The following TBXAS1 variants were observed in gnomAD, a reference collection of about 807,000 sequenced individuals.
The protein encoded by TBXAS1 is thromboxane A synthase 1, also known as thromboxane-A synthase.
In TBXAS1, 48 loss-of-function variants were observed where a neutral mutation model predicts 60.7. The ratio of observed to expected loss-of-function variants is 0.79; its 90% CI spans 0.63 to 1.01. The LOEUF (loss-of-function observed/expected upper bound fraction) is 1.01. Among genes scored for constraint, TBXAS1 ranks in the 50% least tolerant of loss-of-function variants. The probability of loss-of-function intolerance (pLI) is 0.00; values close to 1 mark genes in which losing one functional copy is unlikely to be tolerated. For missense variants in TBXAS1, 685 were observed against 686.3 expected (o/e 1.00, Z 0.02); for synonymous variants, 287 against 269.7 (o/e 1.06, Z -0.63).
intron 3 of TBXAS1, among the ~76,000 whole-genome samples, chr7:139,784,410 A>C (rs1341229998): frequency 1.3e-5 from 2 of 152,182 alleles, no homozygotes. Context: ...AGTTCAAAGA[A>C]AAACCACCAA....
At chr7:139,959,792 T>C (rs41727) in intron 8 of TBXAS1, among the ~76,000 whole-genome samples, 134,510 of 152,092 alleles carry the variant, frequency 0.88, 59,581 homozygotes, top group Non-Finnish European at 0.9. Context: ...TATCACACCC[T>C]GAGGACCTTC....
chr7:139,883,340 T>C (rs1256406143), intron 3 of TBXAS1, among the ~76,000 whole-genome samples: 3 of 152,270 alleles, frequency 2.0e-5, no homozygotes, highest in African/African-American at 7.2e-5. Context: ...TTCCCAGTCT[T>C]GATCCAAAGA....
At chr7:140,014,576 T>TGA (rs201007370) in intron 10 of TBXAS1, among the ~76,000 whole-genome samples, 2,151 of 151,906 alleles carry the variant, frequency 0.014, 21 homozygotes, top group Non-Finnish European at 0.023. Context: ...TGTGTGTGTC[T>TGA]GAGAGAGAGA....
rs920274819 is a variant in TBXAS1 at position 139,900,321 on chromosome 7, G to A, written c.237-10904G>A. The stretch of plus-strand genomic sequence containing the variant: ...GGCCCAGAGAGTTTCAGAAATTTGC[G>A]CCTGGAACGGATTTCTGTGTGAGTG... On this transcript the variant is annotated intron_variant, in intron 3 of 12. Coordinates refer to ENST00000448866, the MANE Select transcript of TBXAS1 (RefSeq NM_001061.7). 9.2e-5 allele frequency among the ~76,000 whole-genome samples: 14 copies of A among 152,136 alleles called. No individual in the cohort carries two copies. The East Asian group carries it at 1.3e-3, about 15-fold the overall frequency.
intron 5 of TBXAS1, among the ~76,000 whole-genome samples, chr7:139,940,014 G>C (rs1808156483): frequency 6.6e-6 from 1 of 152,278 alleles, no homozygotes; most frequent in Non-Finnish European, 1.5e-5. Context: ...AATGGCACCA[G>C]TGGGTGCTCC....
At chr7:139,829,591 G>C (rs1480587457) in intron 1 of TBXAS1, 112 bp downstream of exon 1, 1 of 973,356 alleles carries the variant, frequency 1.0e-6, no homozygotes, top group African/African-American at 1.6e-5. Context: ...TTCTAATCTA[G>C]CGGGAGTGAG....
intron 4 of TBXAS1, among the ~76,000 whole-genome samples, chr7:139,788,598 C>T (rs1230813044): frequency 1.3e-5 from 2 of 152,188 alleles, no homozygotes; most frequent in Non-Finnish European, 2.9e-5. Context: ...AACTGCCCAC[C>T]AGCCAATTCT....
intron 3 of TBXAS1, among the ~76,000 whole-genome samples, chr7:139,784,203 G>T (rs574778596): frequency 1.1e-4 from 12 of 111,658 alleles, no homozygotes; most frequent in Admixed American, 3.2e-4. Context: ...TCCTTCTTTC[G>T]TTTGTTCTTT....
At chr7:139,970,365 C>T (rs759372053) in intron 9 of TBXAS1, among the ~76,000 whole-genome samples, 20 of 152,300 alleles carry the variant, frequency 1.3e-4, no homozygotes, top group Admixed American at 4.6e-4. Flanking sequence ...CCTCGGCCTC[C>T]CAAAGTGCTG....
chr7:139,984,628 GAGAGAGAGAGAGAGAA>G (rs1000461757), intron 9 of TBXAS1, among the ~76,000 whole-genome samples: 1 of 48,668 alleles, frequency 2.1e-5, no homozygotes, highest in African/African-American at 7.6e-5. Flanking sequence ...GAGAGAGAGA[GAGAGAGAGAGAGAGAA>G]AGAAAGAAAG....
chr7:139,962,071 G>A lies in TBXAS1; in HGVS notation c.972G>A (p.Arg324=). The A allele has an allele frequency of 3.1e-6, 5 of 1,614,208 alleles. No homozygotes were observed. Among genetic ancestry groups the A allele is most frequent in the Non-Finnish European group, 4.2e-6 (5 of 1,180,038 alleles). The change falls in exon 9 of 13, where the codon AGG becomes AGA. Residue 324 remains arginine, a synonymous_variant. Coordinates refer to ENST00000448866, the MANE Select transcript of TBXAS1 (RefSeq NM_001061.7). ...AACACCAGCCCAGCCCTATGGCCAG[G>A]CCTTTGACTGTGGATGAGATTGTGG... is the stretch of plus-strand genomic sequence containing the variant. ...SRQHQPSPMA[R]PLTVDEIVGQ...
At position 139,849,372 on chromosome 7, in the gene TBXAS1, C is replaced by CA. The variant is rs527471214; in HGVS notation, c.89+19901dup. Among the ~76,000 whole-genome samples, 52 of 145,282 alleles carry CA rather than the reference C, an allele frequency of 3.6e-4. No homozygotes were observed. In the South Asian group the frequency reaches 4.2e-3, roughly 12 times the overall value. On this transcript the variant is annotated intron_variant, in intron 1 of 12. Transcript: ENST00000448866. ...TCCAACAGCAAAGACCCTGTTCCCC[C>CA]AAAAAAAACACAAAAAACAAAAAAC... is the stretch of plus-strand genomic sequence containing the variant.
At chr7:139,803,082 G>T (rs979422276) in intron 4 of TBXAS1, among the ~76,000 whole-genome samples, 7 of 152,366 alleles carry the variant, frequency 4.6e-5, no homozygotes, top group Middle Eastern at 6.8e-3. Flanking sequence ...AAATGTGGAA[G>T]TGACTTTGGA....
rs1416299828 is a variant in TBXAS1, at chr7:139,852,310, G to A, written c.90-19925G>A. Among the ~76,000 whole-genome samples, 2 of 152,212 alleles carry A rather than the reference G, an allele frequency of 1.3e-5. No homozygotes were observed. Among genetic ancestry groups the A allele is most frequent in the Non-Finnish European group, 2.9e-5 (2 of 68,038 alleles). On this transcript the variant is annotated intron_variant, in intron 1 of 12. Transcript: ENST00000448866. The surrounding 1 kb of genome is among the most constrained non-coding windows in gnomAD (Gnocchi z 4.4). ...ACTCTAATAATGGAAGGGATTATAAGTTGCAGGGAGCAGGCAAGAGGCCAA... is the reference window on the plus strand; with the variant it reads ...ACTCTAATAATGGAAGGGATTATAAATTGCAGGGAGCAGGCAAGAGGCCAA...
At chr7:139,865,611 GGAGGAGGAA>G (rs1801298346) in intron 1 of TBXAS1, among the ~76,000 whole-genome samples, 2 of 89,856 alleles carry the variant, frequency 2.2e-5, no homozygotes, top group African/African-American at 8.2e-5. Context: ...AGGAAGAGGA[GGAGGAGGAA>G]GAGGAGGAGG....
In TBXAS1 at chr7:139,975,689, C is replaced by T. The variant is rs1001938608; in HGVS notation, c.1134+13456C>T. Among the ~76,000 whole-genome samples, 6 of 152,222 alleles carry T rather than the reference C, an allele frequency of 3.9e-5. No individual in the cohort carries two copies. Among genetic ancestry groups the T allele is most frequent in the Non-Finnish European group, 7.3e-5 (5 of 68,046 alleles). ...TCATCTGTGACCTGTCATCCAGGCT[C>T]TGAGCCCTGAGGATAATAAGTTTCC... On this transcript the variant is annotated intron_variant, in intron 9 of 12. Coordinates refer to ENST00000448866, the MANE Select transcript of TBXAS1 (RefSeq NM_001061.7). The surrounding 1 kb of genome is among the most constrained non-coding windows in gnomAD (Gnocchi z 4.4).
chr7:139,908,415 G>T (rs1318076485), intron 3 of TBXAS1, among the ~76,000 whole-genome samples: 3 of 151,710 alleles, frequency 2.0e-5, no homozygotes, highest in Non-Finnish European at 4.4e-5. Flanking sequence ...TCTGCTCCTT[G>T]TTTCATTTTT....
chr7:140,014,658 C>A lies in TBXAS1; in HGVS notation c.1227-1065C>A, dbSNP rs1037884398. Among the ~76,000 whole-genome samples the A allele has an allele frequency of 5.3e-5, 8 of 152,090 alleles. No individual in the cohort carries two copies. In the East Asian group the frequency reaches 9.7e-4, roughly 18 times the overall value. On this transcript the variant is annotated intron_variant, in intron 10 of 12. Transcript: ENST00000448866. ...GGTGCAGTGGCTCATGCCTGTAATC[C>A]CAGCACTTTGGGAGGCCGAGGCAGG...
intron 3 of TBXAS1, 33 bp downstream of exon 3, chr7:139,875,670 C>G (rs144425677): frequency 6.2e-7 from 1 of 1,612,248 alleles, no homozygotes. Context: ...CTATTATGTA[C>G]GATATTTTCT....
Sources: gnomAD v4.1 joint callset for allele counts (sites outside exome capture counted in the v4.1 genomes callset) on GRCh38, gnomAD v4.1.1 for gene constraint, Gnocchi (gnomAD v3.1) non-coding constraint, MANE v1.5 for transcripts, NCBI Gene and HGNC (gene_info 2026-07-23, HGNC 2026-07-21) for gene names.